ARHGAP12: variants seen among roughly 807,000 people sequenced by gnomAD.
ARHGAP12 encodes rho GTPase-activating protein 12.
ARHGAP12 carries 64 observed loss-of-function variants against 108.6 expected under a neutral mutation model. The ratio of observed to expected loss-of-function variants is 0.59; its 90% confidence interval spans 0.48 to 0.73. ARHGAP12 has a LOEUF of 0.73. ARHGAP12 is among the 30% of genes least tolerant of loss of function. The pLI is 0.00. For missense variants in ARHGAP12, 940 were observed against 1,005.9 expected, an observed-to-expected ratio of 0.93 and a Z score of 0.89; for synonymous variants, 312 against 337.2, an observed-to-expected ratio of 0.93 and a Z score of 0.82.
intron 3 of ARHGAP12, among the ~76,000 whole-genome samples, chr10:31,879,135 G>A (rs1837844129): frequency 6.6e-6 from 1 of 152,228 alleles, no homozygotes; most frequent in South Asian, 2.1e-4. Flanking sequence ...ATAAGGCCAA[G>A]TGCAGTGGCT....
rs868642854 is a variant in ARHGAP12 at position 31,806,876 on chromosome 10, T to C, written c.*782A>G. 12 of 152,398 alleles carry C rather than the reference T, an allele frequency of 7.9e-5. No homozygotes were observed. Among genetic ancestry groups the C allele is most frequent in the African/African-American group, 2.9e-4 (12 of 41,448 alleles). 9.4% of individuals were successfully genotyped at this position (152,398 alleles called of 1,614,324 possible). On this transcript the variant is annotated 3_prime_UTR_variant, in exon 20 of 20. Transcript: ENST00000344936. ...AGGACATTAAGTCTTTAGCCTATAT[T>C]TACATAAAATAATGTGTGTTTCCAC... is the stretch of plus-strand genomic sequence containing the variant.
chr10:31,899,402 G>A (rs931677455), intron 3 of ARHGAP12, among the ~76,000 whole-genome samples: 1 of 152,058 alleles, frequency 6.6e-6, no homozygotes, highest in African/African-American at 2.4e-5. Flanking sequence ...AACCTTACAT[G>A]GAAAAGCAAA....
intron 15 of ARHGAP12, among the ~76,000 whole-genome samples, chr10:31,812,197 A>T (rs892474114): frequency 6.6e-6 from 1 of 152,114 alleles, no homozygotes; most frequent in South Asian, 2.1e-4. Context: ...TGATTTTTTT[A>T]AAGAATATTT....
At chr10:31,909,727 C>T (rs552186775) in intron 2 of ARHGAP12, among the ~76,000 whole-genome samples, 1 of 152,132 alleles carries the variant, frequency 6.6e-6, no homozygotes, top group African/African-American at 2.4e-5. Flanking sequence ...AAAACCCTGC[C>T]TCTACAAGAA....
chr10:31,928,070 G>A (rs796931945), intron 1 of ARHGAP12, among the ~76,000 whole-genome samples: 7 of 152,350 alleles, frequency 4.6e-5, no homozygotes, highest in African/African-American at 1.7e-4. Flanking sequence ...GGACGCCCCA[G>A]GTGGATTCCC....
intron 3 of ARHGAP12, among the ~76,000 whole-genome samples, chr10:31,867,046 A>G (rs758177679): frequency 2.6e-5 from 4 of 152,144 alleles, no homozygotes; most frequent in Non-Finnish European, 5.9e-5. Flanking sequence ...AGCACAGATA[A>G]TTAGGTTTAT....
intron 4 of ARHGAP12, among the ~76,000 whole-genome samples, chr10:31,860,607 A>G (rs1837076931): frequency 6.6e-6 from 1 of 152,370 alleles, no homozygotes. Context: ...GAATGATTCA[A>G]TTGTAGCAAA....
chr10:31,862,472 CACAGAACTTCAGTTGCT>C (rs1837151977), intron 3 of ARHGAP12, among the ~76,000 whole-genome samples: 1 of 152,096 alleles, frequency 6.6e-6, no homozygotes, highest in African/African-American at 2.4e-5. Context: ...TATTAGGTTA[CACAGAACTTCAGTTGCT>C]GAAGAAAAAA....
chr10:31,861,459 G>C lies in ARHGAP12; in HGVS notation c.884C>G (p.Pro295Arg), dbSNP rs1280602941. The change falls in exon 4 of 20, where the codon CCT becomes CGT. Residue 295 changes from proline (P) to arginine (R), a missense_variant. Physicochemically the swap from Pro to Arg is moderately radical, Grantham distance 103 (BLOSUM62 -2). Coordinates refer to ENST00000344936, the MANE Select transcript of ARHGAP12 (RefSeq NM_018287.7). ...NRGTQERTWK[P>R]PRWTRDASIS... ...GCTTGCATCCCGAGTCCAACGAGGA[G>C]GTTTCCAAGTTCTTTCCTGTGTCCC... 3.4e-5 allele frequency: 55 copies of C among 1,614,046 alleles called. No individual in the cohort carries two copies. The highest frequency in any genetic ancestry group is 4.5e-5 in the Non-Finnish European group (53 of 1,180,034).
In ARHGAP12 at chr10:31,905,701, A is replaced by G. The variant is rs140220813; in HGVS notation, c.684+2471T>C. Among the ~76,000 whole-genome samples the G allele has an allele frequency of 3.3e-5, 5 of 152,290 alleles. No homozygotes were observed. The East Asian group carries it at 9.6e-4, about 29-fold the overall frequency. On this transcript the variant is annotated intron_variant, in intron 3 of 19. Transcript: ENST00000344936. ...TCTAAAGCCATATGAGCACAATACT[A>G]TAATCTTTGGCATAAGGTATGTGAA... is the stretch of plus-strand genomic sequence containing the variant.
At chr10:31,849,059 A>T (rs1836574080) in intron 6 of ARHGAP12, among the ~76,000 whole-genome samples, 1 of 141,950 alleles carries the variant, frequency 7.0e-6, no homozygotes. Flanking sequence ...CTCGTCTTTA[A>T]AAAAAAAAAA....
At chr10:31,810,823 G>GCAA (rs1237338719) in intron 15 of ARHGAP12, 76 bp from the exon 16 acceptor site, 52 of 1,110,110 alleles carry the variant, frequency 4.7e-5, no homozygotes, top group Admixed American at 1.1e-4. Context: ...CATTCAGAGT[G>GCAA]CAACAGAAAC....
intron 3 of ARHGAP12, among the ~76,000 whole-genome samples, chr10:31,896,608 T>G (rs929680266): frequency 2.0e-5 from 3 of 152,060 alleles, no homozygotes; most frequent in African/African-American, 7.2e-5. Flanking sequence ...CGAACATCAA[T>G]GTGATTATGA....
intron 3 of ARHGAP12, among the ~76,000 whole-genome samples, chr10:31,905,139 G>A (rs1839076733): frequency 6.6e-6 from 1 of 151,502 alleles, no homozygotes; most frequent in Non-Finnish European, 1.5e-5. Context: ...GCCATACACT[G>A]AAAATTAGTA....
At chr10:31,845,864 CA>C (rs1259505873) in intron 6 of ARHGAP12, among the ~76,000 whole-genome samples, 22 of 152,110 alleles carry the variant, frequency 1.4e-4, no homozygotes, top group Non-Finnish European at 2.5e-4. Flanking sequence ...ATCCATTTTG[CA>C]AATCTTTTAA....
At chr10:31,863,134 T>G (rs546613756) in intron 3 of ARHGAP12, among the ~76,000 whole-genome samples, 1 of 152,312 alleles carries the variant, frequency 6.6e-6, no homozygotes, top group East Asian at 1.9e-4. Flanking sequence ...TGTACTATAT[T>G]CAATGATGCA....
chr10:31,920,438 A>C (rs1410687839), intron 1 of ARHGAP12, among the ~76,000 whole-genome samples: 1 of 127,322 alleles, frequency 7.9e-6, no homozygotes, highest in Non-Finnish European at 1.6e-5. Context: ...CGACAGAGTG[A>C]GACTCCGTCT....
chr10:31,876,547 A>ACC (rs1837741393), intron 3 of ARHGAP12, among the ~76,000 whole-genome samples: 1 of 68,564 alleles, frequency 1.5e-5, no homozygotes, highest in Non-Finnish European at 2.6e-5. Flanking sequence ...AAAAACCACC[A>ACC]AAAAAAAAAA....
intron 1 of ARHGAP12, among the ~76,000 whole-genome samples, chr10:31,920,449 C>CAAAAAAAAAAAAAAAAAAAAAAAAAAAAA (rs71027040): frequency 8.4e-5 from 5 of 59,598 alleles, no homozygotes; most frequent in African/African-American, 1.5e-4. Context: ...GACTCCGTCT[C>CAAAAAAAAAAAAAAAAAAAAAAAAAAAAA]AAAAAAAAAA....
Sources: allele counts gnomAD v4.1 joint callset (sites outside exome capture counted in the v4.1 genomes callset), GRCh38; gene constraint gnomAD v4.1.1; transcripts MANE v1.5; gene names NCBI Gene and HGNC (gene_info 2026-07-23, HGNC 2026-07-21).